Variants in DLG2 observed in about 807,000 individuals in gnomAD.
The protein encoded by DLG2 is discs large MAGUK scaffold protein 2, also known as disks large homolog 2.
A neutral mutation model predicts 132.5 loss-of-function variants in DLG2; 45 were observed. The ratio of observed to expected loss-of-function variants is 0.34; its 90% CI spans 0.27 to 0.44. The LOEUF is 0.44. Among genes scored for constraint, DLG2 ranks in the 20% least tolerant of loss-of-function variants. DLG2 has a pLI of 1.00. For missense variants in DLG2, 1,045 were observed against 1,196.9 expected (o/e 0.87, Z 1.87); for synonymous variants, 424 against 419.6 (o/e 1.01, Z -0.13).
chr11:84,584,494 G>GT (rs2099524268), intron 6 of DLG2, among the ~76,000 whole-genome samples: 1 of 151,066 alleles, frequency 6.6e-6, no homozygotes, highest in Admixed American at 6.6e-5. Context: ...CTACAGGTGG[G>GT]TGTCACCATG....
chr11:85,098,283 T>A (rs151151454), intron 6 of DLG2, among the ~76,000 whole-genome samples: 1 of 152,204 alleles, frequency 6.6e-6, no homozygotes, highest in Non-Finnish European at 1.5e-5. Flanking sequence ...GTACCTTGAT[T>A]CTACAGTTTG....
At chr11:85,523,001 G>C (rs1014567413) in intron 3 of DLG2, among the ~76,000 whole-genome samples, 1 of 152,210 alleles carries the variant, frequency 6.6e-6, no homozygotes, top group Non-Finnish European at 1.5e-5. Context: ...TTTGGGAGGA[G>C]ACAGGGGCAG....
intron 6 of DLG2, among the ~76,000 whole-genome samples, chr11:84,572,294 T>C (rs900712049): frequency 1.2e-4 from 18 of 152,264 alleles, no homozygotes; most frequent in African/African-American, 4.3e-4. Context: ...GTGTCTATTA[T>C]CTATCTCTTG....
chr11:85,245,721 AC>A (rs1482011929), intron 4 of DLG2, among the ~76,000 whole-genome samples: 1 of 152,000 alleles, frequency 6.6e-6, no homozygotes, highest in Non-Finnish European at 1.5e-5. Context: ...AAAATGACCA[AC>A]AAAAACCCAG....
chr11:84,185,802 A>C (rs2096265649), intron 8 of DLG2, among the ~76,000 whole-genome samples: 1 of 152,198 alleles, frequency 6.6e-6, no homozygotes. Flanking sequence ...ATTTTGTCAA[A>C]GGCCTTTCCT....
intron 6 of DLG2, among the ~76,000 whole-genome samples, chr11:84,945,363 A>G (rs2050064599): frequency 6.6e-6 from 1 of 152,172 alleles, no homozygotes; most frequent in African/African-American, 2.4e-5. Context: ...AATTCCTGAG[A>G]TTACCAAGTA....
chr11:83,781,196 TA>T (rs1218603537), intron 18 of DLG2, among the ~76,000 whole-genome samples: 5 of 152,294 alleles, frequency 3.3e-5, no homozygotes, highest in African/African-American at 1.2e-4. Context: ...ATCACCTTAT[TA>T]GCATGGCTTT....
rs988607693 is a variant in DLG2, at chr11:85,455,880, T to C, written c.40+142777A>G. 7.2e-5 allele frequency among the ~76,000 whole-genome samples: 11 copies of C among 152,174 alleles called. No individual in the cohort carries two copies. In the East Asian group the frequency reaches 1.2e-3, roughly 16 times the overall value. On this transcript the variant is annotated intron_variant, in intron 3 of 27. Transcript: ENST00000376104. ...CCCAGGGATGAAGCCTACTTGGTTATGGTGGATTAGATTTTTGATGTGCTG... is the reference window on the plus strand; with the variant it reads ...CCCAGGGATGAAGCCTACTTGGTTACGGTGGATTAGATTTTTGATGTGCTG...
At chr11:85,048,223 C>G (rs1054459789) in intron 6 of DLG2, among the ~76,000 whole-genome samples, 2 of 151,878 alleles carry the variant, frequency 1.3e-5, no homozygotes, top group Non-Finnish European at 2.9e-5. Flanking sequence ...TGAATGTTAA[C>G]AAGAAAACTA....
chr11:85,478,959 C>T (rs972629599), intron 3 of DLG2, among the ~76,000 whole-genome samples: 1 of 152,070 alleles, frequency 6.6e-6, no homozygotes, highest in African/African-American at 2.4e-5. Context: ...CCCTTATGGT[C>T]TTTGAGCAGA....
At chr11:85,314,749 T>C in intron 3 of DLG2, among the ~76,000 whole-genome samples, 1 of 151,944 alleles carries the variant, frequency 6.6e-6, no homozygotes, top group East Asian at 1.9e-4. Flanking sequence ...CCCTACCAGC[T>C]CTCTCAGCAC....
chr11:85,136,039 T>C (rs1189376522), intron 5 of DLG2, among the ~76,000 whole-genome samples: 6 of 152,146 alleles, frequency 3.9e-5, no homozygotes, highest in Admixed American at 3.9e-4. Flanking sequence ...GTGCACTCTA[T>C]TGTATTTGAA....
intron 6 of DLG2, among the ~76,000 whole-genome samples, chr11:85,060,250 G>A (rs1355705750): frequency 1.3e-5 from 2 of 151,240 alleles, no homozygotes; most frequent in African/African-American, 4.8e-5. Flanking sequence ...GTTTATCTTT[G>A]TTGTACATAT....
chr11:84,433,627 T>G (rs544933446), intron 7 of DLG2, among the ~76,000 whole-genome samples: 1 of 152,230 alleles, frequency 6.6e-6, no homozygotes, highest in Non-Finnish European at 1.5e-5. Context: ...GAATCTCTTA[T>G]GTAGCTTATT....
chr11:83,800,103 A>G (rs568132653), intron 17 of DLG2, among the ~76,000 whole-genome samples: 5 of 152,304 alleles, frequency 3.3e-5, no homozygotes, highest in African/African-American at 1.2e-4. Flanking sequence ...AGAGTATAAA[A>G]TTATCTCAAT....
At chr11:85,139,129 T>C (rs2076302188) in intron 5 of DLG2, among the ~76,000 whole-genome samples, 1 of 152,104 alleles carries the variant, frequency 6.6e-6, no homozygotes, top group African/African-American at 2.4e-5. Flanking sequence ...CATTACATCA[T>C]CCCAGTTTAT....
At chr11:83,519,169 C>G (rs1263384707) in intron 21 of DLG2, among the ~76,000 whole-genome samples, 13 of 152,136 alleles carry the variant, frequency 8.5e-5, no homozygotes, top group African/African-American at 3.1e-4. Context: ...CAGATGGGGC[C>G]TTTGCAGTGG....
chr11:84,787,817 G>A lies in DLG2; in HGVS notation c.358-253086C>T, dbSNP rs536119339. Reference sequence around the variant, plus strand: ...TGGGAATGTGAAGAAGGGAGAAACTGACCTGGCACAGTGGCTCATGCCTGT... The same window carrying A: ...TGGGAATGTGAAGAAGGGAGAAACTAACCTGGCACAGTGGCTCATGCCTGT... On this transcript the variant is annotated intron_variant, in intron 6 of 27. Coordinates refer to ENST00000376104, the MANE Select transcript of DLG2 (RefSeq NM_001142699.3). Among the ~76,000 whole-genome samples, 4 of 152,054 alleles carry A rather than the reference G, an allele frequency of 2.6e-5. No homozygotes were observed. The East Asian group carries it at 7.7e-4, about 29-fold the overall frequency.
At chr11:84,286,410 T>C (rs1173699127) in intron 7 of DLG2, among the ~76,000 whole-genome samples, 2 of 152,210 alleles carry the variant, frequency 1.3e-5, no homozygotes, top group African/African-American at 2.4e-5. Flanking sequence ...TACACTTAGC[T>C]AGTCTTGTGG....
Sources: gnomAD v4.1 joint callset for allele counts (sites outside exome capture counted in the v4.1 genomes callset) on GRCh38, gnomAD v4.1.1 for gene constraint, MANE v1.5 for transcripts, NCBI Gene and HGNC (gene_info 2026-07-23, HGNC 2026-07-21) for gene names.